PPFIBP1: variants seen among roughly 807,000 people sequenced by gnomAD.
PPFIBP1 encodes liprin-beta-1.
PPFIBP1 carries 112 observed loss-of-function variants against 137.8 expected under a neutral mutation model. The ratio of observed to expected loss-of-function variants is 0.81; its 90% confidence interval spans 0.70 to 0.95. PPFIBP1 has a LOEUF of 0.95. PPFIBP1 is among the 40% of genes least tolerant of loss of function. The pLI is 0.00. For missense variants in PPFIBP1, 1,083 were observed against 1,196.6 expected (o/e 0.91, Z 1.40); for synonymous variants, 378 against 417.3 (o/e 0.91, Z 1.15).
At chr12:27,615,967 T>G (rs1213351383) in intron 2 of PPFIBP1, among the ~76,000 whole-genome samples, 2 of 152,182 alleles carry the variant, frequency 1.3e-5, no homozygotes, top group African/African-American at 4.8e-5. Context: ...GGGAGACATT[T>G]AAATGTTTCC....
At chr12:27,679,408 A>C in intron 19 of PPFIBP1, 81 bp from the exon 20 acceptor site, 3 of 1,352,766 alleles carry the variant, frequency 2.2e-6, no homozygotes. Context: ...AGAATTCTTA[A>C]CAGTTCTAGA....
intron 4 of PPFIBP1, among the ~76,000 whole-genome samples, chr12:27,640,574 A>C (rs1355112635): frequency 6.6e-6 from 1 of 151,604 alleles, no homozygotes; most frequent in African/African-American, 2.4e-5. Context: ...TTATAGTCTA[A>C]ACATGTACCC....
At chr12:27,530,640 C>T (rs1156992803) in intron 1 of PPFIBP1, among the ~76,000 whole-genome samples, 1 of 152,190 alleles carries the variant, frequency 6.6e-6, no homozygotes, top group Non-Finnish European at 1.5e-5. Context: ...TAACTGAACC[C>T]ATTTTGTTTA....
In PPFIBP1 at chr12:27,676,562, C is replaced by G; in HGVS notation, c.1545C>G (p.Ile515Met). 1 of 1,602,090 alleles carries G rather than the reference C, an allele frequency of 6.2e-7. No homozygotes were observed. The highest frequency in any genetic ancestry group is 2.2e-5 in the East Asian group (1 of 44,570). The stretch of plus-strand genomic sequence containing the variant: ...CCTTTGGCCGGGGCTTTTTTAAAAT[C>G]AAAAGTAACAAGAGAACAGCAAGTG... ...RSSFGRGFFK[I>M]KSNKRTASAP... The change falls in exon 18 of 30, where the codon ATC (isoleucine) becomes ATG (methionine). Residue 515 changes from isoleucine to methionine, a missense_variant. Transcript: ENST00000228425.
intron 1 of PPFIBP1, among the ~76,000 whole-genome samples, chr12:27,563,201 G>C (rs2049306359): frequency 6.8e-6 from 1 of 147,258 alleles, no homozygotes; most frequent in African/African-American, 2.5e-5. Context: ...CAGCACTATG[G>C]GAGGCTGAGG....
chr12:27,532,842 T>C (rs918032282), intron 1 of PPFIBP1, among the ~76,000 whole-genome samples: 1 of 152,104 alleles, frequency 6.6e-6, no homozygotes, highest in African/African-American at 2.4e-5. Context: ...AGTGACAAGA[T>C]TGTACCTTAA....
At chr12:27,649,804 G>A (rs2058764373) in intron 6 of PPFIBP1, among the ~76,000 whole-genome samples, 1 of 152,042 alleles carries the variant, frequency 6.6e-6, no homozygotes, top group African/African-American at 2.4e-5. Context: ...TGCCTGCCTC[G>A]GCCTCCCAAA....
Position 27,614,896 on chromosome 12 carries a change from CAG to C in PPFIBP1, c.-35-18464_-35-18463del, listed in dbSNP as rs368673443. Among the ~76,000 whole-genome samples, 124 of 152,222 alleles carry C rather than the reference CAG, an allele frequency of 8.1e-4. 2 individuals are homozygous for C. Among genetic ancestry groups the C allele is most frequent in the South Asian group, 2.5e-3 (12 of 4,828 alleles). On this transcript the variant is annotated intron_variant, in intron 2 of 29. Transcript: ENST00000228425. The stretch of plus-strand genomic sequence containing the variant: ...AATTGCTATTAATTAATTAATGAAA[CAG>C]AAAAATTCCATGCTAACTAAAAGAA...
intron 19 of PPFIBP1, chr12:27,677,915 C>T (rs538110271): frequency 6.6e-5 from 10 of 152,290 alleles, no homozygotes; most frequent in Middle Eastern, 3.4e-3. Flanking sequence ...GACCAGCAAA[C>T]GGGACTTCTC....
At chr12:27,629,281 G>T (rs1399550940) in intron 2 of PPFIBP1, among the ~76,000 whole-genome samples, 1 of 152,142 alleles carries the variant, frequency 6.6e-6, no homozygotes, top group African/African-American at 2.4e-5. Context: ...TTGACATTGG[G>T]ATTCTTTATG....
Position 27,578,384 on chromosome 12 carries a change from G to A in PPFIBP1, c.-36+145G>A, listed in dbSNP as rs375000705. The A allele has an allele frequency of 6.7e-4, 102 of 152,242 alleles. 1 individual carries two copies. The highest frequency in any genetic ancestry group is 3.4e-3 in the Middle Eastern group (1 of 294). 9.4% of individuals were successfully genotyped at this position (152,242 alleles called of 1,614,324 possible). A position where few individuals can be genotyped will look rare whatever the true frequency, so the allele number is the denominator to read the frequency against. ...ATTAAGTCTAGGAGTGTTTGTATCT[G>A]CTCGCCCTTTTAAAACCTGTAAATT... is the stretch of plus-strand genomic sequence containing the variant. On this transcript the variant is annotated intron_variant, in intron 2 of 29. Transcript: ENST00000228425.
chr12:27,579,701 A>G (rs878998128), intron 2 of PPFIBP1, among the ~76,000 whole-genome samples: 1 of 152,078 alleles, frequency 6.6e-6, no homozygotes, highest in Admixed American at 6.6e-5. Flanking sequence ...GCTTCTATGA[A>G]TGTGTTGTGC....
At chr12:27,576,142 G>A (rs1302144933) in intron 1 of PPFIBP1, among the ~76,000 whole-genome samples, 2 of 151,930 alleles carry the variant, frequency 1.3e-5, no homozygotes, top group East Asian at 3.8e-4. Flanking sequence ...TCCCATCTCT[G>A]CCCCATCCCC....
intron 2 of PPFIBP1, among the ~76,000 whole-genome samples, chr12:27,630,388 T>C (rs1303069487): frequency 6.6e-6 from 1 of 152,148 alleles, no homozygotes; most frequent in African/African-American, 2.4e-5. Flanking sequence ...TTGTAAAATA[T>C]CTTTCTTTCT....
chr12:27,612,761 G>A (rs1405738257), intron 2 of PPFIBP1, among the ~76,000 whole-genome samples: 1 of 152,030 alleles, frequency 6.6e-6, no homozygotes, highest in Admixed American at 6.5e-5. Flanking sequence ...ATCCTATTTT[G>A]TTCCCCCTAT....
At chr12:27,641,359 G>A (rs557544931) in intron 4 of PPFIBP1, among the ~76,000 whole-genome samples, 1 of 152,102 alleles carries the variant, frequency 6.6e-6, no homozygotes, top group Non-Finnish European at 1.5e-5. Context: ...GGGGAAACAG[G>A]AAAGACAACT....
At chr12:27,652,033 A>G (rs1178591692) in intron 7 of PPFIBP1, among the ~76,000 whole-genome samples, 1 of 152,206 alleles carries the variant, frequency 6.6e-6, no homozygotes, top group Non-Finnish European at 1.5e-5. Flanking sequence ...ATTAGAGCAT[A>G]TGTGGTAAAC....
chr12:27,537,427 G>A (rs1446610463), intron 1 of PPFIBP1, among the ~76,000 whole-genome samples: 1 of 152,040 alleles, frequency 6.6e-6, no homozygotes, highest in African/African-American at 2.4e-5. Flanking sequence ...CACCGCGCCC[G>A]GCCCCCCGTT....
At chr12:27,589,239 C>T (rs1372100443) in intron 2 of PPFIBP1, among the ~76,000 whole-genome samples, 1 of 152,174 alleles carries the variant, frequency 6.6e-6, no homozygotes, top group Non-Finnish European at 1.5e-5. Flanking sequence ...CTTTAGCACT[C>T]TCTAGGAAAT....
Sources: gnomAD v4.1 joint callset for allele counts (sites outside exome capture counted in the v4.1 genomes callset) on GRCh38, gnomAD v4.1.1 for gene constraint, MANE v1.5 for transcripts, NCBI Gene and HGNC (gene_info 2026-07-23, HGNC 2026-07-21) for gene names.